CACHD1: variants seen among roughly 807,000 people sequenced by gnomAD.
CACHD1 encodes the protein cache domain containing 1.
CACHD1 carries 71 observed loss-of-function variants against 138.7 expected under a neutral mutation model. The ratio of observed to expected loss-of-function variants is 0.51; its 90% CI spans 0.42 to 0.62. The LOEUF (loss-of-function observed/expected upper bound fraction) is 0.62, where lower values mean the gene tolerates loss of function less well. Among genes scored for constraint, CACHD1 ranks in the 20% least tolerant of loss-of-function variants. The pLI is 0.00. For missense variants in CACHD1, 1,389 were observed against 1,625.3 expected (o/e 0.85, Z 2.50); for synonymous variants, 578 against 591.5 (o/e 0.98, Z 0.33).
chr1:64,495,645 G>A (rs1038993910), intron 1 of CACHD1, among the ~76,000 whole-genome samples: 5 of 152,034 alleles, frequency 3.3e-5, no homozygotes, highest in Non-Finnish European at 7.4e-5. Context: ...TGGGCAGAAA[G>A]AGAGCAATAC....
At chr1:64,478,799 G>A (rs1346069191) in intron 1 of CACHD1, among the ~76,000 whole-genome samples, 1 of 152,112 alleles carries the variant, frequency 6.6e-6, no homozygotes, top group East Asian at 1.9e-4. Context: ...AGTGGTGCTG[G>A]ATGTTGCAAG....
At chr1:64,551,914 A>G (rs902685971) in intron 2 of CACHD1, among the ~76,000 whole-genome samples, 2 of 152,196 alleles carry the variant, frequency 1.3e-5, no homozygotes, top group African/African-American at 2.4e-5. Flanking sequence ...TCTTATCTTC[A>G]TAATTCCTGT....
chr1:64,614,763 A>T (rs560071588), intron 4 of CACHD1, among the ~76,000 whole-genome samples: 9 of 152,328 alleles, frequency 5.9e-5, no homozygotes, highest in Admixed American at 3.3e-4. Flanking sequence ...TCTGTAGCTA[A>T]AAATGAGTCT....
chr1:64,521,219 C>T (rs1031388025), intron 1 of CACHD1, among the ~76,000 whole-genome samples: 7 of 152,152 alleles, frequency 4.6e-5, no homozygotes, highest in African/African-American at 1.4e-4. Context: ...TCCTAGCTGT[C>T]ATCTGGGGGT....
At chr1:64,559,747 G>A (rs1646824981) in intron 2 of CACHD1, among the ~76,000 whole-genome samples, 1 of 152,164 alleles carries the variant, frequency 6.6e-6, no homozygotes. Flanking sequence ...TTCCTGCAGT[G>A]TTTGATAGAA....
intron 2 of CACHD1, among the ~76,000 whole-genome samples, chr1:64,576,902 T>C (rs948418233): frequency 7.0e-6 from 1 of 142,726 alleles, no homozygotes; most frequent in African/African-American, 2.6e-5. Context: ...TGGGTTTGTT[T>C]GTTTGTTTTT....
intron 2 of CACHD1, among the ~76,000 whole-genome samples, chr1:64,554,519 T>C (rs1646782139): frequency 6.6e-6 from 1 of 152,220 alleles, no homozygotes; most frequent in African/African-American, 2.4e-5. Context: ...CTTTAATATC[T>C]GATATTGTCT....
At chr1:64,613,166 A>G (rs1038746522) in intron 4 of CACHD1, among the ~76,000 whole-genome samples, 1 of 152,224 alleles carries the variant, frequency 6.6e-6, no homozygotes, top group African/African-American at 2.4e-5. Flanking sequence ...CTCAATTGGT[A>G]TAATCTTATG....
chr1:64,620,750 T>A (rs1570424120), intron 4 of CACHD1, among the ~76,000 whole-genome samples: 1 of 152,232 alleles, frequency 6.6e-6, no homozygotes. Flanking sequence ...TATATTATCA[T>A]AAACTTACAT....
chr1:64,641,965 G>A lies in CACHD1; in HGVS notation c.1152G>A (p.Met384Ile), dbSNP rs1309177336. ...NSVMILTYAL[M>I]NDGVTGLKEL... ...TAATGATTCTCACCTATGCCCTCAT[G>A]AACGGTAGGTAGAGTTTCAAGATAT... Residue 384 changes from methionine to isoleucine, a missense_variant, in exon 8 of 27, where the codon ATG (methionine) becomes ATA (isoleucine). Met to Ile is a conservative substitution (Grantham distance 10, BLOSUM62 1). Transcript: ENST00000651257. The A allele has an allele frequency of 6.4e-7, 1 of 1,567,124 alleles. No homozygotes were observed. Among genetic ancestry groups the A allele is most frequent in the African/African-American group, 1.4e-5 (1 of 71,862 alleles).
Position 64,679,664 on chromosome 1 carries a change from G to C in CACHD1, c.3314G>C (p.Gly1105Ala). Residue 1105 changes from glycine to alanine, a missense_variant, in exon 24 of 27, where the codon GGA becomes GCA. Gly to Ala is a moderately conservative substitution (Grantham distance 60, BLOSUM62 0). Transcript: ENST00000651257. ...GGTCCTGTGGCTGGAGGGATCATGG[G>C]ATGCATCATGGTCTTGGTCCTGGCG... ...PVGPVAGGIM[G>A]CIMVLVLAVY... 1.2e-6 allele frequency: 2 copies of C among 1,614,188 alleles called. No individual in the cohort carries two copies. Among genetic ancestry groups the C allele is most frequent in the South Asian group, 1.1e-5 (1 of 91,082 alleles).
chr1:64,688,908 C>A (rs1650451436), intron 26 of CACHD1, among the ~76,000 whole-genome samples: 1 of 152,208 alleles, frequency 6.6e-6, no homozygotes, highest in African/African-American at 2.4e-5. Flanking sequence ...TTTCTCCCAT[C>A]AGGTCTACCC....
At chr1:64,687,862 GAT>G (rs1343465826) in intron 26 of CACHD1, among the ~76,000 whole-genome samples, 3 of 152,026 alleles carry the variant, frequency 2.0e-5, no homozygotes, top group Admixed American at 1.3e-4. Context: ...GGGATACAAA[GAT>G]AAACAGGAAC....
At chr1:64,625,227 A>G (rs1486851049) in intron 4 of CACHD1, among the ~76,000 whole-genome samples, 1 of 152,212 alleles carries the variant, frequency 6.6e-6, no homozygotes, top group Non-Finnish European at 1.5e-5. Flanking sequence ...GTTGTCACTT[A>G]TAAGTGGGAG....
chr1:64,551,295 A>T (rs1331549801), intron 2 of CACHD1, among the ~76,000 whole-genome samples: 4 of 150,946 alleles, frequency 2.6e-5, no homozygotes, highest in African/African-American at 9.8e-5. Flanking sequence ...TTGAGGTCAG[A>T]TTCTATTTAC....
At chr1:64,477,598 T>TTAC (rs1174005874) in intron 1 of CACHD1, among the ~76,000 whole-genome samples, 1 of 142,976 alleles carries the variant, frequency 7.0e-6, no homozygotes, top group Non-Finnish European at 1.5e-5. Context: ...ATTATTATTA[T>TTAC]TATTATTATT....
Position 64,472,048 on chromosome 1 carries a change from C to T in CACHD1, c.198+1106C>T, listed in dbSNP as rs147755081. 4.1e-3 allele frequency among the ~76,000 whole-genome samples: 630 copies of T among 152,262 alleles called. 2 individuals carry two copies. Among genetic ancestry groups the T allele is most frequent in the South Asian group, 8.1e-3 (39 of 4,814 alleles). On this transcript the variant is annotated intron_variant, in intron 1 of 26. Coordinates refer to ENST00000651257, the MANE Select transcript of CACHD1 (RefSeq NM_020925.4). ...TAACAATCATGGGGATGAATGTGGT[C>T]TTCGAAAGATTGAAGTTTCCAAGAA...
At chr1:64,493,527 C>A (rs1159745536) in intron 1 of CACHD1, among the ~76,000 whole-genome samples, 2 of 152,190 alleles carry the variant, frequency 1.3e-5, no homozygotes, top group Non-Finnish European at 2.9e-5. Context: ...ACTATTATGC[C>A]TCTCTTCTTA....
intron 4 of CACHD1, among the ~76,000 whole-genome samples, chr1:64,624,133 C>T (rs1462049977): frequency 6.6e-6 from 1 of 152,222 alleles, no homozygotes; most frequent in Non-Finnish European, 1.5e-5. Flanking sequence ...CACGGGGCCT[C>T]ATTACCATCA....
Sources: gnomAD v4.1 joint callset for allele counts (sites outside exome capture counted in the v4.1 genomes callset) on GRCh38, gnomAD v4.1.1 for gene constraint, MANE v1.5 for transcripts, NCBI Gene and HGNC (gene_info 2026-07-23, HGNC 2026-07-21) for gene names.